ADAMTS18: variants seen among roughly 807,000 people sequenced by gnomAD.
The protein encoded by ADAMTS18 is A disintegrin and metalloproteinase with thrombospondin motifs 18.
A neutral mutation model predicts 165.9 loss-of-function variants in ADAMTS18; 157 were observed. The observed-to-expected ratio is 0.95, with a 90% confidence interval of 0.83 to 1.08. ADAMTS18 has a LOEUF of 1.08. ADAMTS18 is among the 50% of genes least tolerant of loss of function. The pLI is 0.00. For synonymous variants in ADAMTS18, 782 were observed against 578.2 expected, an observed-to-expected ratio of 1.35 and a Z score of -5.06; for missense variants, 2,040 against 1,534.0, an observed-to-expected ratio of 1.33 and a Z score of -5.51.
intron 3 of ADAMTS18, among the ~76,000 whole-genome samples, chr16:77,402,700 T>A (rs907316524): frequency 6.6e-6 from 1 of 152,214 alleles, no homozygotes; most frequent in Admixed American, 6.5e-5. Context: ...AGAAAATACA[T>A]TTTCACAAAA....
In ADAMTS18 at chr16:77,289,342, A is replaced by C. The variant is rs2055318264; in HGVS notation, c.3472T>G (p.Ser1158Ala). The C allele has an allele frequency of 6.2e-7, 1 of 1,614,038 alleles. No individual in the cohort carries two copies. Among genetic ancestry groups the C allele is most frequent in the Non-Finnish European group, 8.5e-7 (1 of 1,180,018 alleles). ...VHCVQQGRPSSSCLLHQKPPV... is the reference protein window; with the variant it reads ...VHCVQQGRPSASCLLHQKPPV... ...GGTTTCTGATGGAGCAGACAACTTG[A>C]GGAAGGCCGGCCTTGCTGAACACAG... Residue 1158 changes from serine (S) to alanine (A), a missense_variant, in exon 22 of 23, where the codon TCA becomes GCA. Physicochemically the swap from Ser to Ala is moderately conservative, Grantham distance 99. Coordinates refer to ENST00000282849, the MANE Select transcript of ADAMTS18 (RefSeq NM_199355.4).
chr16:77,299,769 C>T lies in ADAMTS18; in HGVS notation c.2674+494G>A, dbSNP rs76070432. ...GGGTTGTCTCAGATTTAATCCATTC[C>T]TCTAGTGAGAGAACCTTTGCTGACC... On this transcript the variant is annotated intron_variant, in intron 17 of 22. Transcript: ENST00000282849. 4.1e-4 allele frequency among the ~76,000 whole-genome samples: 63 copies of T among 152,320 alleles called. No homozygotes were observed. The East Asian group carries it at 0.012, about 29-fold the overall frequency.
intron 10 of ADAMTS18, among the ~76,000 whole-genome samples, chr16:77,353,281 A>G (rs2056582251): frequency 6.6e-6 from 1 of 152,168 alleles, no homozygotes; most frequent in South Asian, 2.1e-4. Context: ...TAATATTACT[A>G]AAGATGTACC....
At chr16:77,399,077 C>T (rs1485442666) in intron 3 of ADAMTS18, among the ~76,000 whole-genome samples, 1 of 152,176 alleles carries the variant, frequency 6.6e-6, no homozygotes, top group African/African-American at 2.4e-5. Flanking sequence ...GTGGGAAATG[C>T]CTCCCACCCC....
At chr16:77,413,675 G>A (rs1308982537) in intron 3 of ADAMTS18, among the ~76,000 whole-genome samples, 1 of 150,836 alleles carries the variant, frequency 6.6e-6, no homozygotes, top group Non-Finnish European at 1.5e-5. Context: ...TTCTACATAT[G>A]TTATTTAGTA....
intron 3 of ADAMTS18, among the ~76,000 whole-genome samples, chr16:77,409,271 T>C (rs8053681): frequency 0.57 from 87,093 of 151,882 alleles, 25,464 homozygotes; most frequent in Non-Finnish European, 0.63. Flanking sequence ...AAGCGGTATG[T>C]AGGATTGCAG....
At position 77,335,876 on chromosome 16, in the gene ADAMTS18, A is replaced by T; in HGVS notation, c.1739T>A (p.Phe580Tyr). 6.2e-7 allele frequency: 1 copy of T among 1,614,218 alleles called. No homozygotes were observed. The highest frequency in any genetic ancestry group is 8.5e-7 in the Non-Finnish European group (1 of 1,180,040). Reference sequence around the variant, plus strand: ...GATGGGCCGGGGCCCGAGCTCCCCAAACTTTACGCACTGGCCTTGCCGACA... The same window carrying T: ...GATGGGCCGGGGCCCGAGCTCCCCATACTTTACGCACTGGCCTTGCCGACA... ...MWCRQGQCVKFGELGPRPIHG... is the reference protein window; with the variant it reads ...MWCRQGQCVKYGELGPRPIHG... The change falls in exon 12 of 23, where the codon TTT (phenylalanine) becomes TAT (tyrosine). Residue 580 changes from phenylalanine to tyrosine, a missense_variant. Transcript: ENST00000282849.
chr16:77,349,756 C>T (rs893266670), intron 10 of ADAMTS18, among the ~76,000 whole-genome samples: 1 of 152,162 alleles, frequency 6.6e-6, no homozygotes, highest in African/African-American at 2.4e-5. Context: ...AGACTTGTCT[C>T]GTCATTTTTC....
chr16:77,364,094 C>T (rs1354744151), intron 5 of ADAMTS18, 94 bp downstream of exon 5: 22 of 1,510,064 alleles, frequency 1.5e-5, no homozygotes, highest in East Asian at 6.8e-5. Context: ...ACATTTGCAC[C>T]GACCTAATAC....
Position 77,291,363 on chromosome 16 carries a change from G to C in ADAMTS18, c.3305C>G (p.Pro1102Arg). 6.2e-7 allele frequency: 1 copy of C among 1,614,154 alleles called. No individual in the cohort carries two copies. The highest frequency in any genetic ancestry group is 1.1e-5 in the South Asian group (1 of 91,080). The change falls in exon 21 of 23, where the codon CCA (proline) becomes CGA (arginine). Residue 1102 changes from proline (P) to arginine (R), a missense_variant. Physicochemically the swap from Pro to Arg is moderately radical, Grantham distance 103. Coordinates refer to ENST00000282849, the MANE Select transcript of ADAMTS18 (RefSeq NM_199355.4). The stretch of plus-strand genomic sequence containing the variant: ...GCAGGTCTCTTCCAAGTCCAGATTT[G>C]GTTTCTTAATATTACGGCATCTTCG... The part of the protein sequence containing the change: ...PERRCRNIKK[P>R]NLDLEETCNR...
chr16:77,375,317 T>C (rs893002984), intron 3 of ADAMTS18, among the ~76,000 whole-genome samples: 1 of 151,852 alleles, frequency 6.6e-6, no homozygotes, highest in Admixed American at 6.6e-5. Flanking sequence ...AACCCGTCTT[T>C]ACCAAAAATA....
chr16:77,329,533 G>A (rs974978510), intron 12 of ADAMTS18, among the ~76,000 whole-genome samples: 1 of 152,104 alleles, frequency 6.6e-6, no homozygotes, highest in Non-Finnish European at 1.5e-5. Flanking sequence ...AAAGAATGTA[G>A]GGCAGTATCT....
Position 77,362,156 on chromosome 16 carries a change from G to C in ADAMTS18, c.1165C>G (p.Leu389Val). The change falls in exon 7 of 23, where the codon CTA becomes GTA. Residue 389 changes from leucine to valine, a missense_variant. Physicochemically the swap from Leu to Val is conservative, Grantham distance 32 (BLOSUM62 1). Transcript: ENST00000282849. Reference sequence around the variant, plus strand: ...CAAGAACAAATATCAAATCCTGTTAGTAAGATGGCATGATCATGTCTCTTG... The same window carrying C: ...CAAGAACAAATATCAAATCCTGTTACTAAGATGGCATGATCATGTCTCTTG... ...NGKRHDHAIL[L>V]TGFDICSWKN... 3 of 1,614,100 alleles carry C rather than the reference G, an allele frequency of 1.9e-6. No homozygotes were observed. Among genetic ancestry groups the C allele is most frequent in the Non-Finnish European group, 2.5e-6 (3 of 1,180,010 alleles).
intron 3 of ADAMTS18, among the ~76,000 whole-genome samples, chr16:77,395,970 C>T (rs1056493775): frequency 6.6e-6 from 1 of 152,070 alleles, no homozygotes; most frequent in East Asian, 1.9e-4. Context: ...GGCAGGGTAC[C>T]CAGCTACTCA....
chr16:77,322,698 T>C (rs1235792367), intron 13 of ADAMTS18, among the ~76,000 whole-genome samples: 1 of 152,168 alleles, frequency 6.6e-6, no homozygotes, highest in Non-Finnish European at 1.5e-5. Context: ...ATTTTTCTCA[T>C]CCTTAGGGAT....
intron 10 of ADAMTS18, among the ~76,000 whole-genome samples, 161 bp from the exon 11 acceptor site, chr16:77,341,960 G>A (rs1486032034): frequency 2.0e-5 from 3 of 152,152 alleles, no homozygotes; most frequent in Non-Finnish European, 2.9e-5. Flanking sequence ...AAGTTAATAT[G>A]TTTTAGTAAC....
At chr16:77,309,212 G>A (rs1320338386) in intron 16 of ADAMTS18, among the ~76,000 whole-genome samples, 2 of 137,704 alleles carry the variant, frequency 1.5e-5, no homozygotes, top group Non-Finnish European at 1.6e-5. Flanking sequence ...GCATGTAGCT[G>A]GCTAGTTTTT....
At chr16:77,336,139 T>G (rs2056307200) in intron 11 of ADAMTS18, among the ~76,000 whole-genome samples, 2 of 152,212 alleles carry the variant, frequency 1.3e-5, no homozygotes, top group Admixed American at 6.5e-5. Flanking sequence ...ACCAACAGGC[T>G]GAGTATGATA....
At chr16:77,405,073 C>T (rs540645273) in intron 3 of ADAMTS18, among the ~76,000 whole-genome samples, 1 of 152,274 alleles carries the variant, frequency 6.6e-6, no homozygotes, top group South Asian at 2.1e-4. Context: ...GGCAGATCAG[C>T]TCTGACTAAA....
Sources: allele counts gnomAD v4.1 joint callset (sites outside exome capture counted in the v4.1 genomes callset), GRCh38; gene constraint gnomAD v4.1.1; transcripts MANE v1.5; gene names NCBI Gene and HGNC (gene_info 2026-07-23, HGNC 2026-07-21).